RFFL: variants seen among roughly 807,000 people sequenced by gnomAD.
The protein encoded by RFFL is E3 ubiquitin-protein ligase rififylin.
A neutral mutation model predicts 40.4 loss-of-function variants in RFFL; 16 were observed. The observed-to-expected ratio is 0.40, with a 90% CI of 0.27 to 0.60. The LOEUF is 0.60. Ranked by LOEUF, RFFL falls within the 20% of genes least tolerant of loss-of-function variation. The pLI is 0.47. For missense variants in RFFL, 367 were observed against 451.7 expected (o/e 0.81, Z 1.70); for synonymous variants, 154 against 167.9 (o/e 0.92, Z 0.64).
At chr17:35,048,800 T>C (rs1172604101) in intron 1 of RFFL, among the ~76,000 whole-genome samples, 2 of 152,228 alleles carry the variant, frequency 1.3e-5, no homozygotes, top group Admixed American at 6.5e-5. Flanking sequence ...GATTTGGTGA[T>C]AAATCCAGGA....
intron 1 of RFFL, among the ~76,000 whole-genome samples, chr17:35,088,143 G>A (rs2091440294): frequency 6.6e-6 from 1 of 152,136 alleles, no homozygotes; most frequent in East Asian, 1.9e-4. Context: ...GATACATAAG[G>A]AACTCACTGC....
intron 1 of RFFL, among the ~76,000 whole-genome samples, chr17:35,082,069 A>G (rs2091405286): frequency 6.6e-6 from 1 of 152,232 alleles, no homozygotes; most frequent in South Asian, 2.1e-4. Context: ...TGTGATTTAC[A>G]TATGCTGTAT....
chr17:35,014,641 C>G lies in RFFL; in HGVS notation c.910+99G>C, dbSNP rs1317906240. On this transcript the variant is annotated intron_variant, in intron 6 of 6. Transcript: ENST00000394597. ...CCCACACACCCTCTCTCTGGGGGCT[C>G]AAATGCTCAGAATTCTTAGATTACT... The G allele has an allele frequency of 7.6e-6, 9 of 1,185,980 alleles. No individual in the cohort carries two copies. In the African/African-American group the frequency reaches 9.1e-5, roughly 12 times the overall value. 73.5% of individuals were successfully genotyped at this position (1,185,980 alleles called of 1,614,324 possible). A position where few individuals can be genotyped will look rare whatever the true frequency, so the allele number is the denominator to read the frequency against.
At chr17:35,057,350 G>A (rs552523576) in intron 1 of RFFL, among the ~76,000 whole-genome samples, 3 of 151,750 alleles carry the variant, frequency 2.0e-5, no homozygotes, top group African/African-American at 4.8e-5. Context: ...TCTGTCCTTC[G>A]GTCACCTTCC....
intron 1 of RFFL, among the ~76,000 whole-genome samples, chr17:35,060,354 G>C (rs1275567435): frequency 6.6e-6 from 1 of 152,090 alleles, no homozygotes; most frequent in African/African-American, 2.4e-5. Context: ...CTTGCCTATC[G>C]AGCAAAGGCA....
chr17:35,038,308 G>GA (rs2091138937), intron 1 of RFFL, among the ~76,000 whole-genome samples: 1 of 143,780 alleles, frequency 7.0e-6, no homozygotes, highest in Non-Finnish European at 1.5e-5. Flanking sequence ...AAAAAAAAAG[G>GA]AAAAAAGAGC....
At chr17:35,054,150 C>T (rs963693558) in intron 1 of RFFL, among the ~76,000 whole-genome samples, 1 of 152,168 alleles carries the variant, frequency 6.6e-6, no homozygotes, top group African/African-American at 2.4e-5. Flanking sequence ...CACCTTCCAC[C>T]CCTGTCATAC....
At chr17:35,055,681 C>CAAAAAAAAAAAAAAAA (rs2091256791) in intron 1 of RFFL, among the ~76,000 whole-genome samples, 1 of 139,374 alleles carries the variant, frequency 7.2e-6, no homozygotes, top group Non-Finnish European at 1.5e-5. Context: ...CAAAAAAAAA[C>CAAAAAAAAAAAAAAAA]AAACAAACAA....
intron 1 of RFFL, among the ~76,000 whole-genome samples, chr17:35,087,846 A>C (rs913335063): frequency 1.3e-5 from 2 of 152,240 alleles, no homozygotes; most frequent in Non-Finnish European, 2.9e-5. Context: ...TGAATGTGAA[A>C]GAGAATGTAA....
intron 1 of RFFL, chr17:35,073,693 G>A (rs1443354146): frequency 6.6e-6 from 1 of 151,914 alleles, no homozygotes; most frequent in Admixed American, 6.6e-5. Context: ...GGCCCTATGG[G>A]GCACTAACAT....
At chr17:35,020,720 C>A (rs1325759646) in intron 3 of RFFL, among the ~76,000 whole-genome samples, 2 of 152,104 alleles carry the variant, frequency 1.3e-5, no homozygotes, top group Non-Finnish European at 1.5e-5. Flanking sequence ...CTTCTGGGGG[C>A]TTTTTGAGGA....
chr17:35,078,791 C>T (rs55774419), intron 1 of RFFL, among the ~76,000 whole-genome samples: 6 of 151,930 alleles, frequency 3.9e-5, no homozygotes, highest in Non-Finnish European at 8.8e-5. Context: ...ACCAGCCTGG[C>T]CAACATGATG....
chr17:35,062,822 G>A (rs1408647976), intron 1 of RFFL, among the ~76,000 whole-genome samples: 2 of 152,300 alleles, frequency 1.3e-5, no homozygotes, highest in South Asian at 2.1e-4. Flanking sequence ...AAAGTTTGGC[G>A]ATGAAAAGCA....
chr17:35,072,423 A>G (rs929106285), intron 1 of RFFL, among the ~76,000 whole-genome samples: 2 of 152,180 alleles, frequency 1.3e-5, no homozygotes, highest in African/African-American at 4.8e-5. Flanking sequence ...AATTATAGAG[A>G]CACCGAACAG....
chr17:35,073,814 T>A (rs937898994), intron 1 of RFFL: 1 of 151,242 alleles, frequency 6.6e-6, no homozygotes, highest in Non-Finnish European at 1.5e-5. Context: ...AAACAAAAAA[T>A]AACCACCAGT....
Position 35,009,304 on chromosome 17 carries a change from C to T in RFFL, c.*2664G>A, listed in dbSNP as rs755974809. The T allele has an allele frequency of 1.3e-5, 2 of 152,326 alleles. No individual in the cohort carries two copies. Among genetic ancestry groups the T allele is most frequent in the Non-Finnish European group, 1.5e-5 (1 of 68,018 alleles). 9.4% of individuals were successfully genotyped at this position (152,326 alleles called of 1,614,324 possible). A position where few individuals can be genotyped will look rare whatever the true frequency, so the allele number is the denominator to read the frequency against. ...ATATTGAGCACTAGTTCCTGTACAG[C>T]TTATTCTTATTAGTTTGGATCCAAC... On this transcript the variant is annotated 3_prime_UTR_variant, in exon 7 of 7. Coordinates refer to ENST00000394597, the MANE Select transcript of RFFL (RefSeq NM_001017368.2).
intron 3 of RFFL, among the ~76,000 whole-genome samples, chr17:35,019,754 C>T (rs1209342923): frequency 6.6e-6 from 1 of 151,554 alleles, no homozygotes; most frequent in Non-Finnish European, 1.5e-5. Flanking sequence ...AAAACACAAG[C>T]AAAGGGAAGA....
rs555690579 is a variant in RFFL, at chr17:35,054,652, G to A, written c.-9+8924C>T. 3.8e-4 allele frequency among the ~76,000 whole-genome samples: 58 copies of A among 151,728 alleles called. No homozygotes were observed. In the South Asian group the frequency reaches 0.011, roughly 29 times the overall value. On this transcript the variant is annotated intron_variant, in intron 1 of 6. Transcript: ENST00000394597. ...ATACAGCTGGGGTAAGCCATCACTGGGCTCTAAAAACCTTTCATTCCTCTC... is the reference window on the plus strand; with the variant it reads ...ATACAGCTGGGGTAAGCCATCACTGAGCTCTAAAAACCTTTCATTCCTCTC...
At chr17:35,040,937 G>C (rs905460305) in intron 1 of RFFL, among the ~76,000 whole-genome samples, 1 of 143,418 alleles carries the variant, frequency 7.0e-6, no homozygotes, top group African/African-American at 2.6e-5. Flanking sequence ...GGAGTGCAGT[G>C]GCTTGATCAT....
Sources: gnomAD v4.1 joint callset for allele counts (sites outside exome capture counted in the v4.1 genomes callset) on GRCh38, gnomAD v4.1.1 for gene constraint, MANE v1.5 for transcripts, NCBI Gene and HGNC (gene_info 2026-07-23, HGNC 2026-07-21) for gene names.